The following FAM161B variants were observed in gnomAD, a reference collection of about 807,000 sequenced individuals.
The protein encoded by FAM161B is FAM161 centrosomal protein B, also known as protein FAM161B.
A neutral mutation model predicts 61.5 loss-of-function variants in FAM161B; 46 were observed. The ratio of observed to expected loss-of-function variants is 0.75; its 90% CI spans 0.59 to 0.96. FAM161B has a LOEUF of 0.96. Ranked by LOEUF, FAM161B falls within the 40% of genes least tolerant of loss-of-function variation. FAM161B has a pLI of 0.00. For missense variants in FAM161B, 774 were observed against 800.7 expected (o/e 0.97, Z 0.40); for synonymous variants, 284 against 302.7 (o/e 0.94, Z 0.64).
the FAM161B span, among the ~76,000 whole-genome samples, chr14:73,923,864 A>T: frequency 6.6e-6 from 1 of 152,066 alleles, no homozygotes; most frequent in Admixed American, 6.6e-5. Context: ...TGTTGACCTC[A>T]CCTGTTAAGT....
intron 2 of FAM161B, among the ~76,000 whole-genome samples, chr14:73,945,724 G>A (rs1010889439): frequency 2.6e-5 from 4 of 151,540 alleles, no homozygotes; most frequent in Non-Finnish European, 5.9e-5. Flanking sequence ...CACGGTGCCC[G>A]GCCCATTTTT....
chr14:73,946,576 T>C lies in FAM161B; in HGVS notation c.84A>G (p.Thr28=), dbSNP rs778147272. The change falls in exon 2 of 9, where the codon ACA becomes ACG. Residue 28 remains threonine, a synonymous_variant. Coordinates refer to ENST00000286544, the MANE Select transcript of FAM161B (RefSeq NM_152445.3). Reference sequence around the variant, plus strand: ...CCCCGGACAGCTCCTCTCCTGCCTCTGTGTCTGCGAAGGACTCGGGGGGAA... The same window carrying C: ...CCCCGGACAGCTCCTCTCCTGCCTCCGTGTCTGCGAAGGACTCGGGGGGAA... ...QIFPPESFAD[T]EAGEELSGDG... The C allele has an allele frequency of 1.2e-6, 2 of 1,613,806 alleles. No homozygotes were observed. Among genetic ancestry groups the C allele is most frequent in the Non-Finnish European group, 1.7e-6 (2 of 1,179,836 alleles).
chr14:73,937,711 G>T lies in FAM161B; in HGVS notation c.1566-10C>A, dbSNP rs780780186. On this transcript the variant is annotated splice_polypyrimidine_tract_variant and intron_variant, in intron 6 of 8. Coordinates refer to ENST00000286544, the MANE Select transcript of FAM161B (RefSeq NM_152445.3). The stretch of plus-strand genomic sequence containing the variant: ...TTTACGGTCATTGTTCCTGGAATTA[G>T]CAAGACTTTTAGAAAGAATTTCATC... 1 of 1,609,816 alleles carries T rather than the reference G, an allele frequency of 6.2e-7. No homozygotes were observed. The highest frequency in any genetic ancestry group is 8.5e-7 in the Non-Finnish European group (1 of 1,178,548).
At position 73,946,312 on chromosome 14, in the gene FAM161B, C is replaced by A; in HGVS notation, c.348G>T (p.Val116=). ...TCAGAGCCTGCGGGCACTGGACCTG[C>A]ACCATCCCCCTGTCCTTGTCTTGGA... ...SFFQDKDRGM[V]QVQCPQALRC... is the part of the protein sequence containing the mutation. Residue 116 remains valine (V), a synonymous_variant, in exon 2 of 9, where the codon GTG becomes GTT. Transcript: ENST00000286544. The A allele has an allele frequency of 6.2e-7, 1 of 1,614,082 alleles. No individual in the cohort carries two copies. The highest frequency in any genetic ancestry group is 1.3e-5 in the African/African-American group (1 of 75,052).
chr14:73,947,381 G>A (rs1475699635), intron 1 of FAM161B, among the ~76,000 whole-genome samples: 8 of 91,222 alleles, frequency 8.8e-5, no homozygotes, highest in South Asian at 8.2e-4. Context: ...GTGATGCTCC[G>A]TCTCAAAAAA....
chr14:73,924,683 C>CTTT, the FAM161B span: 15 of 387,728 alleles, frequency 3.9e-5, no homozygotes, highest in Admixed American at 1.1e-4. Context: ...CTTTTCTTTT[C>CTTT]TTTTTTTTTT....
intron 4 of FAM161B, 52 bp from the exon 5 acceptor site, chr14:73,941,105 TA>T: frequency 1.4e-6 from 2 of 1,427,330 alleles, no homozygotes; most frequent in Non-Finnish European, 1.9e-6. Flanking sequence ...GATTAGTTTC[TA>T]TCTTTTTTTT....
chr14:73,940,919 C>G lies in FAM161B; in HGVS notation c.1400+7G>C, dbSNP rs753326803. ...GAGCATGGGTCTCGTGCAGCCTGAC[C>G]ACTCACCTGACTGCAGATTCCCTCT... On this transcript the variant is annotated splice_region_variant and intron_variant, in intron 5 of 8. Coordinates refer to ENST00000286544, the MANE Select transcript of FAM161B (RefSeq NM_152445.3). The G allele has an allele frequency of 6.2e-7, 1 of 1,607,328 alleles. No individual in the cohort carries two copies. The highest frequency in any genetic ancestry group is 8.5e-7 in the Non-Finnish European group (1 of 1,177,114).
the FAM161B span, among the ~76,000 whole-genome samples, chr14:73,924,135 A>C: frequency 3.9e-5 from 6 of 152,198 alleles, no homozygotes; most frequent in African/African-American, 1.4e-4. Flanking sequence ...ACCATTACCT[A>C]AATCAATGGT....
downstream of FAM161B, chr14:73,931,591 G>A (rs1313444728): frequency 5.8e-6 from 9 of 1,564,684 alleles, no homozygotes; most frequent in Middle Eastern, 1.7e-4. Flanking sequence ...CTCAAAATGC[G>A]TATACTGGGA....
chr14:73,932,313 TCTTA>T lies in FAM161B; in HGVS notation c.*1939_*1942del, dbSNP rs1195405956. 5.9e-6 allele frequency: 2 copies of T among 341,578 alleles called. No individual in the cohort carries two copies. The highest frequency in any genetic ancestry group is 4.3e-5 in the African/African-American group (2 of 46,204). 21.2% of individuals were successfully genotyped at this position (341,578 alleles called of 1,614,324 possible). ...CTCTTGTTTTATACAAAATTTGTTT[TCTTA>T]GAGATTAAGAATTTAATCTTTCCCT... On this transcript the variant is annotated 3_prime_UTR_variant, in exon 9 of 9. Coordinates refer to ENST00000286544, the MANE Select transcript of FAM161B (RefSeq NM_152445.3).
intron 1 of FAM161B, 103 bp downstream of exon 1, chr14:73,949,870 A>G (rs2056118845): frequency 6.7e-7 from 1 of 1,498,434 alleles, no homozygotes; most frequent in East Asian, 2.3e-5. Context: ...TTTTAATCCC[A>G]CGCCCCTCCG....
chr14:73,935,654 TC>T (rs754822737), intron 8 of FAM161B, among the ~76,000 whole-genome samples: 1 of 152,236 alleles, frequency 6.6e-6, no homozygotes, highest in Non-Finnish European at 1.5e-5. Flanking sequence ...ACATGATTTT[TC>T]TTCAAAAATA....
chr14:73,944,435 T>C lies in FAM161B; in HGVS notation c.825A>G (p.Arg275=), dbSNP rs751174803. The part of the protein sequence containing the change: ...EEQLKEAARQ[R]DLAATAEAKI... ...TGGCTTCAGCTGTGGCTGCCAAGTCTCTCTGTCGAGCAGCTTCCTTTAGCT... is the reference window on the plus strand; with the variant it reads ...TGGCTTCAGCTGTGGCTGCCAAGTCCCTCTGTCGAGCAGCTTCCTTTAGCT... The change falls in exon 3 of 9, where the codon AGA becomes AGG. Residue 275 remains arginine (R), a synonymous_variant. Coordinates refer to ENST00000286544, the MANE Select transcript of FAM161B (RefSeq NM_152445.3). 2 of 1,613,394 alleles carry C rather than the reference T, an allele frequency of 1.2e-6. No homozygotes were observed. Among genetic ancestry groups the C allele is most frequent in the Admixed American group, 3.3e-5 (2 of 59,996 alleles).
In FAM161B at chr14:73,946,605, T is replaced by C. The variant is rs985347365; in HGVS notation, c.55A>G (p.Ile19Val). The change falls in exon 2 of 9, where the codon ATA (isoleucine) becomes GTA (valine). Residue 19 changes from isoleucine to valine, a missense_variant and splice_region_variant. Coordinates refer to ENST00000286544, the MANE Select transcript of FAM161B (RefSeq NM_152445.3). The part of the protein sequence containing the change: ...APGGAEGSRQ[I>V]FPPESFADTE... ...TCTGCGAAGGACTCGGGGGGAAATA[T>C]CTAAAATAGAATAGAAATAGGCTGT... 9.3e-6 allele frequency: 15 copies of C among 1,611,072 alleles called. No individual in the cohort carries two copies. Among genetic ancestry groups the C allele is most frequent in the Middle Eastern group, 1.7e-4 (1 of 6,030 alleles).
chr14:73,930,326 TAA>T (rs1051285342), downstream of FAM161B, among the ~76,000 whole-genome samples: 26 of 152,082 alleles, frequency 1.7e-4, no homozygotes, highest in Non-Finnish European at 3.1e-4. Context: ...ATTAAACTCT[TAA>T]AAAAAAGTTT....
rs1163474276 is a variant in FAM161B, at chr14:73,932,873, C to G, written c.*1383G>C. On this transcript the variant is annotated 3_prime_UTR_variant, in exon 9 of 9. Coordinates refer to ENST00000286544, the MANE Select transcript of FAM161B (RefSeq NM_152445.3). ...GCCTGGCTTCAAGCGATCCTCCTGC[C>G]TTGGCCCCTCAAAGTGCTGGGATTA... 1.2e-5 allele frequency: 2 copies of G among 161,160 alleles called. No individual in the cohort carries two copies. The highest frequency in any genetic ancestry group is 4.8e-5 in the African/African-American group (2 of 41,532). 10.0% of individuals were successfully genotyped at this position (161,160 alleles called of 1,614,324 possible).
Position 73,933,884 on chromosome 14 carries a change from TG to T in FAM161B, c.*371del, listed in dbSNP as rs2140340332. 1 of 170,882 alleles carries T rather than the reference TG, an allele frequency of 5.9e-6. No individual in the cohort carries two copies. The highest frequency in any genetic ancestry group is 1.4e-4 in the South Asian group (1 of 6,948). The allele number at this position is 170,882 out of a possible 1,614,324, so 10.6% of individuals were successfully genotyped here. On this transcript the variant is annotated 3_prime_UTR_variant, in exon 9 of 9. Transcript: ENST00000286544. The stretch of plus-strand genomic sequence containing the variant: ...CTGCCCAGGCTGGAGTGCTGTGGAG[TG>T]ATCTCAGCTCATTACAACCTCTGCC...
At chr14:73,946,252 G>T in intron 2 of FAM161B, 34 bp downstream of exon 2, 1 of 1,592,282 alleles carries the variant, frequency 6.3e-7, no homozygotes, top group Non-Finnish European at 8.6e-7. Flanking sequence ...GTGGAGGTGT[G>T]GAGTGAGGCA....
Sources: allele counts gnomAD v4.1 joint callset (sites outside exome capture counted in the v4.1 genomes callset), GRCh38; gene constraint gnomAD v4.1.1; transcripts MANE v1.5; gene names NCBI Gene and HGNC (gene_info 2026-07-23, HGNC 2026-07-21).